Variants in ATP13A3 observed in about 807,000 individuals in gnomAD.
The protein encoded by ATP13A3 is polyamine-transporting ATPase 13A3.
A neutral mutation model predicts 158.1 loss-of-function variants in ATP13A3; 59 were observed. That is an observed-to-expected ratio of 0.37 (90% CI 0.30 to 0.46). ATP13A3 has a LOEUF of 0.46. Ranked by LOEUF, ATP13A3 falls within the 20% of genes least tolerant of loss-of-function variation. ATP13A3 has a pLI of 1.00. For synonymous variants in ATP13A3, 491 were observed against 504.3 expected (o/e 0.97, Z 0.35); for missense variants, 1,166 against 1,525.2 (o/e 0.76, Z 3.92).
chr3:194,479,424 G>A (rs976973158), intron 2 of ATP13A3, among the ~76,000 whole-genome samples: 2 of 151,730 alleles, frequency 1.3e-5, no homozygotes, highest in Non-Finnish European at 2.9e-5. Context: ...TCTATCTTTT[G>A]TGCTTAGGAA....
At chr3:194,472,279 A>AAC (rs1318423445) in intron 2 of ATP13A3, among the ~76,000 whole-genome samples, 1 of 152,154 alleles carries the variant, frequency 6.6e-6, no homozygotes, top group Admixed American at 6.5e-5. Context: ...CCAAAAAAAA[A>AAC]ACACAGTCAA....
At chr3:194,440,701 G>A (rs1717991943) in intron 16 of ATP13A3, among the ~76,000 whole-genome samples, 1 of 152,190 alleles carries the variant, frequency 6.6e-6, no homozygotes, top group South Asian at 2.1e-4. Flanking sequence ...TGGGGTGGGG[G>A]CCAGAGGAGA....
At position 194,438,991 on chromosome 3, in the gene ATP13A3, CA is replaced by C. The variant is rs376853091; in HGVS notation, c.1711-20del. On this transcript the variant is annotated intron_variant, in intron 16 of 33. Coordinates refer to ENST00000645319, the MANE Select transcript of ATP13A3 (RefSeq NM_001367549.1). ...CCAGAATCTGGAAAAAAAAAAGAGA[CA>C]AAAAAAAACAAAAACACAACATTCA... The C allele has an allele frequency of 1.1e-4, 145 of 1,363,066 alleles. No individual in the cohort carries two copies. The highest frequency in any genetic ancestry group is 2.6e-4 in the South Asian group (19 of 73,442). The allele number at this position is 1,363,066 out of a possible 1,614,324, so 84.4% of individuals were successfully genotyped here.
intron 2 of ATP13A3, among the ~76,000 whole-genome samples, chr3:194,465,877 G>C (rs1281536305): frequency 2.0e-5 from 3 of 151,918 alleles, no homozygotes; most frequent in Admixed American, 2.0e-4. Flanking sequence ...AGCTACTCAG[G>C]AGGGTGAGGC....
chr3:194,474,858 T>C (rs1323250679), intron 2 of ATP13A3, among the ~76,000 whole-genome samples: 2 of 152,216 alleles, frequency 1.3e-5, no homozygotes, highest in Admixed American at 6.5e-5. Flanking sequence ...TGCACACTCA[T>C]GCTTCACACT....
intron 7 of ATP13A3, 94 bp from the exon 8 acceptor site, chr3:194,456,056 T>C: frequency 1.5e-6 from 1 of 686,636 alleles, no homozygotes; most frequent in Non-Finnish European, 2.3e-6. Flanking sequence ...AACCACAGAC[T>C]GTTCTTATTC....
chr3:194,457,785 C>CTT (rs147162535), intron 6 of ATP13A3, among the ~76,000 whole-genome samples: 134 of 127,876 alleles, frequency 1.0e-3, no homozygotes, highest in African/African-American at 2.4e-3. Context: ...CTTAATTATG[C>CTT]TTTTTTTTTT....
In ATP13A3 at chr3:194,426,128, C is replaced by T. The variant is rs1413770404; in HGVS notation, c.3126-599G>A. Among the ~76,000 whole-genome samples the T allele has an allele frequency of 6.6e-5, 10 of 152,040 alleles. No individual in the cohort carries two copies. The South Asian group carries it at 1.0e-3, about 16-fold the overall frequency. On this transcript the variant is annotated intron_variant, in intron 29 of 33. Coordinates refer to ENST00000645319, the MANE Select transcript of ATP13A3 (RefSeq NM_001367549.1). ...TAAACACAGGTAAGTGCTCACGAAA[C>T]GTGATTAACAGACTATGCTGCAAGT...
At chr3:194,462,022 G>C (rs1411727028) in intron 3 of ATP13A3, 118 bp downstream of exon 3, 1 of 866,984 alleles carries the variant, frequency 1.2e-6, no homozygotes, top group Non-Finnish European at 1.9e-6. Flanking sequence ...GAAGAAAGAA[G>C]CCCATTGAGT....
chr3:194,440,199 G>C (rs1199635497), intron 16 of ATP13A3, among the ~76,000 whole-genome samples: 3 of 152,194 alleles, frequency 2.0e-5, no homozygotes, highest in African/African-American at 7.2e-5. Context: ...ATACAAACGG[G>C]AACGAAACAG....
chr3:194,410,296 CAAAAA>C (rs772008929), intron 33 of ATP13A3, among the ~76,000 whole-genome samples: 12 of 21,802 alleles, frequency 5.5e-4, no homozygotes, highest in Admixed American at 9.1e-4. Context: ...CTCCTCTCTG[CAAAAA>C]AAAAAAAAAA....
rs543015768 is a variant in ATP13A3, at chr3:194,434,526, G to A, written c.2121-630C>T. Reference sequence around the variant, plus strand: ...ATCTCTGCTCTCAAGACACTTGGGTGGGGAAACAGACATGCAACCAAAGAG... The same window carrying A: ...ATCTCTGCTCTCAAGACACTTGGGTAGGGAAACAGACATGCAACCAAAGAG... On this transcript the variant is annotated intron_variant, in intron 20 of 33. Coordinates refer to ENST00000645319, the MANE Select transcript of ATP13A3 (RefSeq NM_001367549.1). Among the ~76,000 whole-genome samples the A allele has an allele frequency of 6.6e-5, 10 of 152,324 alleles. No homozygotes were observed. In the South Asian group the frequency reaches 1.4e-3, roughly 22 times the overall value.
intron 28 of ATP13A3, among the ~76,000 whole-genome samples, chr3:194,427,635 CAATAAATAAATAAATAAATAAATAAATA>C (rs72338242): frequency 5.1e-5 from 7 of 137,216 alleles, no homozygotes; most frequent in African/African-American, 1.6e-4. Context: ...CCCATCTCTA[CAATAAATAAATAAATAAATAAATAAATA>C]AATAAATAAA....
intron 21 of ATP13A3, among the ~76,000 whole-genome samples, chr3:194,432,570 G>C (rs1029710431): frequency 1.4e-4 from 22 of 152,182 alleles, no homozygotes; most frequent in African/African-American, 5.1e-4. Flanking sequence ...TTCTGGCAAG[G>C]GGAAAATAAA....
chr3:194,420,119 C>T (rs1716185367), intron 30 of ATP13A3, 152 bp from the exon 31 acceptor site: 1 of 804,630 alleles, frequency 1.2e-6, no homozygotes, highest in Non-Finnish European at 1.7e-6. Context: ...CTGTTATCTC[C>T]TGGAGTATGA....
In ATP13A3 at chr3:194,427,218, T is replaced by C. The variant is rs757620897; in HGVS notation, c.2982A>G (p.Ala994=). 1 of 1,608,204 alleles carries C rather than the reference T, an allele frequency of 6.2e-7. No homozygotes were observed. Among genetic ancestry groups the C allele is most frequent in the African/African-American group, 1.3e-5 (1 of 74,364 alleles). The change falls in exon 29 of 34, where the codon GCA becomes GCG. Residue 994 remains alanine, a synonymous_variant. Transcript: ENST00000645319. ...SLNPAWKELV[A]QRPPSGLISG... The stretch of plus-strand genomic sequence containing the variant: ...ATATAAGACCCGAAGGTGGTCTTTG[T>C]GCCACAAGTTCTTTCCAGGCAGGAT...
chr3:194,425,757 T>C (rs1417983779), intron 29 of ATP13A3, among the ~76,000 whole-genome samples: 1 of 152,138 alleles, frequency 6.6e-6, no homozygotes, highest in Non-Finnish European at 1.5e-5. Flanking sequence ...TAGAATCAAG[T>C]AGGAAATATT....
At chr3:194,425,246 C>T (rs552422609) in intron 30 of ATP13A3, 96 bp downstream of exon 30, 5 of 1,145,756 alleles carry the variant, frequency 4.4e-6, no homozygotes, top group Non-Finnish European at 5.0e-6. Context: ...CTGTGAAGAT[C>T]TGGTTTACTG....
At chr3:194,485,628 C>A (rs1720936703) in intron 2 of ATP13A3, among the ~76,000 whole-genome samples, 166 bp downstream of exon 2, 1 of 152,212 alleles carries the variant, frequency 6.6e-6, no homozygotes, top group Non-Finnish European at 1.5e-5. Flanking sequence ...GTAGCCATGA[C>A]ATACCCAGGT....
Sources: gnomAD v4.1 joint callset for allele counts (sites outside exome capture counted in the v4.1 genomes callset) on GRCh38, gnomAD v4.1.1 for gene constraint, MANE v1.5 for transcripts, NCBI Gene and HGNC (gene_info 2026-07-23, HGNC 2026-07-21) for gene names.